CASKIN2: variants seen among roughly 807,000 people sequenced by gnomAD.
CASKIN2 encodes caskin-2.
In CASKIN2, 41 loss-of-function variants were observed where a neutral mutation model predicts 107.1. That is an observed-to-expected ratio of 0.38 (90% CI 0.30 to 0.50). The LOEUF is 0.50. Among genes scored for constraint, CASKIN2 ranks in the 20% least tolerant of loss-of-function variants. The pLI is 0.92. For missense variants in CASKIN2, 1,546 were observed against 1,657.4 expected (o/e 0.93, Z 1.17); for synonymous variants, 724 against 705.6 (o/e 1.03, Z -0.41).
chr17:75,502,889 CCTG>C lies in CASKIN2; in HGVS notation c.2182_2184del (p.Gln728del). The C allele has an allele frequency of 6.5e-7, 1 of 1,544,396 alleles. No homozygotes were observed. Among genetic ancestry groups the C allele is most frequent in the African/African-American group, 1.4e-5 (1 of 73,056 alleles). Reference sequence around the variant, plus strand: ...TCTGTGCCCTCTGGGAGGTTCCTCTCCTGGGGGGGGCTGGGATCTCCACCGCTG... The same window carrying C: ...TCTGTGCCCTCTGGGAGGTTCCTCTCGGGGGGGCTGGGATCTCCACCGCTG... On this transcript the variant is annotated inframe_deletion, in exon 18 of 20. Transcript: ENST00000321617. The surrounding 1 kb of genome is among the most constrained non-coding windows in gnomAD (Gnocchi z 4.3).
chr17:75,507,791 GC>G (rs1417708204), intron 3 of CASKIN2, 110 bp from the exon 4 acceptor site: 20 of 805,006 alleles, frequency 2.5e-5, no homozygotes, highest in Admixed American at 4.4e-5. Context: ...TGGGTTACTG[GC>G]CCCCCCAACC....
intron 4 of CASKIN2, 45 bp from the exon 5 acceptor site, chr17:75,507,174 TG>T (rs1598467648): frequency 6.3e-6 from 10 of 1,575,470 alleles, no homozygotes; most frequent in Middle Eastern, 2.1e-4. Context: ...GGGACGGCGT[TG>T]GGGGTGGAGA....
Position 75,504,602 on chromosome 17 carries a change from A to G in CASKIN2, c.1284T>C (p.His428=), listed in dbSNP as rs1416949819. The part of the protein sequence containing the change: ...SGQSSEGTNG[H]GPGLLIENAQ... ...CGTTCTCAATCAGGAGGCCAGGGCC[A>G]TGGCCATTAGTGCCCTCAGAGCTCT... is the stretch of plus-strand genomic sequence containing the variant. Residue 428 remains histidine (H), a synonymous_variant, in exon 12 of 20, where the codon CAT becomes CAC. Coordinates refer to ENST00000321617, the MANE Select transcript of CASKIN2 (RefSeq NM_020753.5). 1.2e-6 allele frequency: 2 copies of G among 1,606,904 alleles called. No individual in the cohort carries two copies. The highest frequency in any genetic ancestry group is 1.7e-6 in the Non-Finnish European group (2 of 1,175,494).
rs1298919365 is a variant in CASKIN2 at position 75,506,970 on chromosome 17, G to A, written c.390+14C>T. On this transcript the variant is annotated intron_variant, in intron 5 of 19. Transcript: ENST00000321617. This position sits in a 1 kb window ranked among gnomAD's most constrained non-coding sequence, Gnocchi z 4.8. ...CCTGCCCTGCGCCACGCCCCTGTGGGCAGCCTCACGTACCACCTCATAATG... is the reference window on the plus strand; with the variant it reads ...CCTGCCCTGCGCCACGCCCCTGTGGACAGCCTCACGTACCACCTCATAATG... 2 of 1,613,192 alleles carry A rather than the reference G, an allele frequency of 1.2e-6. No individual in the cohort carries two copies. Among genetic ancestry groups the A allele is most frequent in the Non-Finnish European group, 1.7e-6 (2 of 1,179,724 alleles).
chr17:75,502,893 G>C lies in CASKIN2; in HGVS notation c.2181C>G (p.Pro727=), dbSNP rs376757873. 18 of 1,544,526 alleles carry C rather than the reference G, an allele frequency of 1.2e-5. No individual in the cohort carries two copies. The highest frequency in any genetic ancestry group is 5.8e-5 in the Admixed American group (3 of 51,924). ...TGCCCTCTGGGAGGTTCCTCTCCTG[G>C]GGGGGGCTGGGATCTCCACCGCTGG... ...PQPSGGDPSP[P]QERNLPEGTE... Residue 727 remains proline, a synonymous_variant, in exon 18 of 20, where the codon CCC becomes CCG. Coordinates refer to ENST00000321617, the MANE Select transcript of CASKIN2 (RefSeq NM_020753.5). This position sits in a 1 kb window ranked among gnomAD's most constrained non-coding sequence, Gnocchi z 4.3.
intron 4 of CASKIN2, among the ~76,000 whole-genome samples, chr17:75,507,371 A>G (rs2053276960): frequency 6.6e-6 from 1 of 152,174 alleles, no homozygotes; most frequent in Non-Finnish European, 1.5e-5. Context: ...CTGAGCCTCA[A>G]CCTACTCATC....
chr17:75,501,063 G>T lies in CASKIN2; in HGVS notation c.*17C>A. 1 of 1,557,804 alleles carries T rather than the reference G, an allele frequency of 6.4e-7. No homozygotes were observed. The highest frequency in any genetic ancestry group is 1.2e-5 in the South Asian group (1 of 84,576). The stretch of plus-strand genomic sequence containing the variant: ...GCAGTGGACTTCGGCAGGTCACAGT[G>T]GGCACTGCTGGAGGGCTCAGTCCAG... On this transcript the variant is annotated 3_prime_UTR_variant, in exon 20 of 20. Coordinates refer to ENST00000321617, the MANE Select transcript of CASKIN2 (RefSeq NM_020753.5).
Position 75,501,447 on chromosome 17 carries a change from T to G in CASKIN2, c.3518+21A>C, listed in dbSNP as rs762981578. 1.0e-5 allele frequency: 16 copies of G among 1,595,302 alleles called. No homozygotes were observed. The South Asian group carries it at 1.7e-4, about 17-fold the overall frequency. The stretch of plus-strand genomic sequence containing the variant: ...CTGTTTCTCTGCAGCCTTCTCTCCC[T>G]CCCCATCCGGCCCCCCTCACCCCTC... On this transcript the variant is annotated intron_variant, in intron 19 of 19. Coordinates refer to ENST00000321617, the MANE Select transcript of CASKIN2 (RefSeq NM_020753.5).
At chr17:75,514,697 T>C (rs1049963238) in intron 1 of CASKIN2, among the ~76,000 whole-genome samples, 2 of 152,194 alleles carry the variant, frequency 1.3e-5, no homozygotes, top group Admixed American at 6.5e-5. Context: ...AATGGCTGGA[T>C]GCCCTAGTCC....
Position 75,513,800 on chromosome 17 carries a change from C to G in CASKIN2, c.5G>C (p.Gly2Ala). The G allele has an allele frequency of 6.2e-7, 1 of 1,602,540 alleles. No homozygotes were observed. Among genetic ancestry groups the G allele is most frequent in the Admixed American group, 1.7e-5 (1 of 58,954 alleles). The change falls in exon 2 of 20, where the codon GGT becomes GCT. Residue 2 changes from glycine to alanine, a missense_variant. This residue lies in a region of CASKIN2 where 136 missense variants were observed against 198.6 expected (regional missense o/e 0.68). Coordinates refer to ENST00000321617, the MANE Select transcript of CASKIN2 (RefSeq NM_020753.5). ...GGCGAGGATCAGGTCCTGTTCACGA[C>G]CCATACTGGCTCCTGGGCTGAGCTC... M[G>A]REQDLILAVK...
In CASKIN2 at chr17:75,506,352, C is replaced by T. The variant is rs781650363; in HGVS notation, c.679G>A (p.Glu227Lys). The change falls in exon 8 of 20, where the codon GAG (glutamate) becomes AAG (lysine). Residue 227 changes from glutamate (E) to lysine (K), a missense_variant. Coordinates refer to ENST00000321617, the MANE Select transcript of CASKIN2 (RefSeq NM_020753.5). This position sits in a 1 kb window ranked among gnomAD's most constrained non-coding sequence, Gnocchi z 4.8. ...RQTKTGTALH[E>K]AALYGKTEVV... Reference sequence around the variant, plus strand: ...TCGGTCTTGCCATACAGTGCGGCCTCGTGGAGCGCCGTACCCGTCTTGGTC... The same window carrying T: ...TCGGTCTTGCCATACAGTGCGGCCTTGTGGAGCGCCGTACCCGTCTTGGTC... 34 of 1,611,818 alleles carry T rather than the reference C, an allele frequency of 2.1e-5. 1 individual carries two copies. The highest frequency in any genetic ancestry group is 2.7e-5 in the African/African-American group (2 of 74,852).
rs1261868673 is a variant in CASKIN2, at chr17:75,502,656, G to A, written c.2418C>T (p.Pro806=). Residue 806 remains proline (P), a synonymous_variant, in exon 18 of 20, where the codon CCC becomes CCT. Transcript: ENST00000321617. This position sits in a 1 kb window ranked among gnomAD's most constrained non-coding sequence, Gnocchi z 4.3. ...CCTCCCCCTCAGCATCCCCCTCTGT[G>A]GGGCCAGGGCGGCTTAGGCTGTGGG... ...RRSHSLSRPG[P]TEGDAEGEAE... is the part of the protein sequence containing the mutation. 3 of 1,604,724 alleles carry A rather than the reference G, an allele frequency of 1.9e-6. No individual in the cohort carries two copies. Among genetic ancestry groups the A allele is most frequent in the South Asian group, 2.2e-5 (2 of 89,898 alleles).
rs115438731 is a variant in CASKIN2 at position 75,506,555 on chromosome 17, T to C, written c.617+28A>G. On this transcript the variant is annotated intron_variant, in intron 7 of 19. Transcript: ENST00000321617. This position sits in a 1 kb window ranked among gnomAD's most constrained non-coding sequence, Gnocchi z 4.8. ...CACCGATGGTCCCGCAGGCAGGTGATGAGGAAGCGAGGGGACCCCAAGGGT... is the reference window on the plus strand; with the variant it reads ...CACCGATGGTCCCGCAGGCAGGTGACGAGGAAGCGAGGGGACCCCAAGGGT... 0.04 allele frequency: 63,729 copies of C among 1,609,556 alleles called. 1,681 individuals are homozygous for C. Among genetic ancestry groups the C allele is most frequent in the African/African-American group, 0.12 (8,975 of 74,862 alleles).
Position 75,507,123 on chromosome 17 carries a change from C to T in CASKIN2, c.251G>A (p.Arg84His), listed in dbSNP as rs373389909. 1.5e-5 allele frequency: 24 copies of T among 1,606,766 alleles called. No homozygotes were observed. In the East Asian group the frequency reaches 2.5e-4, roughly 16 times the overall value. The change falls in exon 5 of 20, where the codon CGC (arginine) becomes CAC (histidine). Residue 84 changes from arginine to histidine, a missense_variant. Physicochemically the swap from Arg to His is conservative, Grantham distance 29. Transcript: ENST00000321617. The stretch of plus-strand genomic sequence containing the variant: ...CTGCCAGGCTGCGTAGTGCAGCGGG[C>T]GCATGCCTGGCAGGAGGAAAGGGTT... Reference protein sequence around the residue: ...TVDIKDSNGMRPLHYAAWQGR... With the variant: ...TVDIKDSNGMHPLHYAAWQGR...
rs147133823 is a variant in CASKIN2 at position 75,511,762 on chromosome 17, C to T, written c.94+1949G>A. Among the ~76,000 whole-genome samples the T allele has an allele frequency of 4.4e-3, 663 of 152,262 alleles. 7 individuals are homozygous for T. The highest frequency in any genetic ancestry group is 0.015 in the African/African-American group (608 of 41,546). On this transcript the variant is annotated intron_variant, in intron 2 of 19. Coordinates refer to ENST00000321617, the MANE Select transcript of CASKIN2 (RefSeq NM_020753.5). ...GGGAAGGGACCTCCTTCCCCACAGA[C>T]GCTTCCCACTGGGCACAAGGGAACT...
chr17:75,512,033 T>G (rs1400031578), intron 2 of CASKIN2, among the ~76,000 whole-genome samples: 2 of 152,196 alleles, frequency 1.3e-5, no homozygotes, highest in Non-Finnish European at 2.9e-5. Context: ...GCACCCACCC[T>G]GTGTCCACTT....
At position 75,503,864 on chromosome 17, in the gene CASKIN2, G is replaced by A; in HGVS notation, c.1566C>T (p.Arg522=). The A allele has an allele frequency of 1.2e-6, 2 of 1,612,688 alleles. No homozygotes were observed. The highest frequency in any genetic ancestry group is 4.5e-5 in the East Asian group (2 of 44,868). ...CTGCAGCACCCACCTCAGGTGTCAT[G>A]CGGCTGATGGTAGGCACATCATAGC... The part of the protein sequence containing the change: ...QAGYDVPTIS[R]MTPEDLTAIG... Residue 522 remains arginine (R), a synonymous_variant, in exon 15 of 20, where the codon CGC becomes CGT. Transcript: ENST00000321617.
In CASKIN2 at chr17:75,506,246, CAG is replaced by C. The variant is rs1328524186; in HGVS notation, c.726+57_726+58del. 8 of 1,445,338 alleles carry C rather than the reference CAG, an allele frequency of 5.5e-6. No individual in the cohort carries two copies. The African/African-American group carries it at 5.6e-5, about 10-fold the overall frequency. The allele number at this position is 1,445,338 out of a possible 1,614,324, so 89.5% of individuals were successfully genotyped here. A position where few individuals can be genotyped will look rare whatever the true frequency, so the allele number is the denominator to read the frequency against. ...TCCGTCCCGTACCTCCCCAGCCAGTCAGGGGCACAGGGCAGAGGCTCCATGGA... is the reference window on the plus strand; with the variant it reads ...TCCGTCCCGTACCTCCCCAGCCAGTCGGGCACAGGGCAGAGGCTCCATGGA... On this transcript the variant is annotated intron_variant, in intron 8 of 19. Coordinates refer to ENST00000321617, the MANE Select transcript of CASKIN2 (RefSeq NM_020753.5). The surrounding 1 kb of genome is among the most constrained non-coding windows in gnomAD (Gnocchi z 4.8).
In CASKIN2 at chr17:75,505,464, C is replaced by T. The variant is rs908913117; in HGVS notation, c.930+93G>A. 8.5e-7 allele frequency: 1 copy of T among 1,179,246 alleles called. No homozygotes were observed. Among genetic ancestry groups the T allele is most frequent in the East Asian group, 2.3e-5 (1 of 42,920 alleles). The allele number at this position is 1,179,246 out of a possible 1,614,324, so 73.0% of individuals were successfully genotyped here. On this transcript the variant is annotated intron_variant, in intron 10 of 19. Transcript: ENST00000321617. This position sits in a 1 kb window ranked among gnomAD's most constrained non-coding sequence, Gnocchi z 5.1. ...AATTAAATGAGGGTGCATATAGAGA[C>T]CTCAGAGCAGAACGTGGTAACATAG...
Sources: allele counts gnomAD v4.1 joint callset (sites outside exome capture counted in the v4.1 genomes callset), GRCh38; gene constraint gnomAD v4.1.1; regional missense constraint gnomAD v4.1.1; non-coding constraint Gnocchi (gnomAD v3.1); transcripts MANE v1.5; gene names NCBI Gene and HGNC (gene_info 2026-07-23, HGNC 2026-07-21).